The following ST8SIA4 variants were observed in gnomAD, a reference collection of about 807,000 sequenced individuals.
ST8SIA4 encodes CMP-N-acetylneuraminate-poly-alpha-2,8-sialyltransferase.
In ST8SIA4, 15 loss-of-function variants were observed where a neutral mutation model predicts 33.9. The observed-to-expected ratio is 0.44, with a 90% CI of 0.30 to 0.68. ST8SIA4 has a LOEUF of 0.68. ST8SIA4 is among the 30% of genes least tolerant of loss of function. ST8SIA4 has a pLI of 0.10. For missense variants in ST8SIA4, 321 were observed against 428.0 expected, an observed-to-expected ratio of 0.75 and a Z score of 2.21; for synonymous variants, 171 against 151.2, an observed-to-expected ratio of 1.13 and a Z score of -0.96.
intron 2 of ST8SIA4, among the ~76,000 whole-genome samples, chr5:100,893,842 T>C (rs369556511): frequency 6.6e-6 from 1 of 152,196 alleles, no homozygotes; most frequent in African/African-American, 2.4e-5. Flanking sequence ...ATAGCCTTAA[T>C]TGGCTCCTTT....
At chr5:100,879,145 G>T (rs949647973) in intron 3 of ST8SIA4, among the ~76,000 whole-genome samples, 2 of 152,080 alleles carry the variant, frequency 1.3e-5, no homozygotes, top group South Asian at 4.1e-4. Context: ...TATACTTCTT[G>T]GTAAGTCCAG....
intron 3 of ST8SIA4, among the ~76,000 whole-genome samples, chr5:100,873,343 G>T (rs1752236562): frequency 1.3e-5 from 2 of 151,992 alleles, no homozygotes; most frequent in African/African-American, 2.4e-5. Context: ...TGGAGGAAAG[G>T]TAAGTAGAAA....
At chr5:100,833,408 T>C (rs1253928459) in intron 4 of ST8SIA4, among the ~76,000 whole-genome samples, 1 of 152,114 alleles carries the variant, frequency 6.6e-6, no homozygotes, top group Admixed American at 6.6e-5. Flanking sequence ...CCTAGCATAA[T>C]AAATTAAATC....
At chr5:100,876,940 A>G (rs1561403029) in intron 3 of ST8SIA4, among the ~76,000 whole-genome samples, 2 of 152,160 alleles carry the variant, frequency 1.3e-5, no homozygotes, top group East Asian at 1.9e-4. Flanking sequence ...CATTAAAAGC[A>G]TTATTTAACG....
intron 3 of ST8SIA4, chr5:100,885,728 TCAAA>T (rs1752522523): frequency 1.1e-6 from 1 of 942,306 alleles, no homozygotes; most frequent in South Asian, 4.9e-5. Context: ...AATAGGTTAA[TCAAA>T]CACACAATTC....
rs1223725846 is a variant in ST8SIA4, at chr5:100,810,708, A to T, written c.*1139T>A. The T allele has an allele frequency of 2.0e-5, 3 of 152,562 alleles. No homozygotes were observed. The highest frequency in any genetic ancestry group is 4.4e-5 in the Non-Finnish European group (3 of 68,018). The allele number at this position is 152,562 out of a possible 1,614,324, so 9.5% of individuals were successfully genotyped here. A position where few individuals can be genotyped will look rare whatever the true frequency, so the allele number is the denominator to read the frequency against. ...AAATGGTTTGCTGTGTAGAAACACA[A>T]GTGTAATCTTTGGTACCAAAGATTT... is the stretch of plus-strand genomic sequence containing the variant. On this transcript the variant is annotated 3_prime_UTR_variant, in exon 5 of 5. Transcript: ENST00000231461.
At chr5:100,850,477 T>G (rs1345806187) in intron 4 of ST8SIA4, among the ~76,000 whole-genome samples, 1 of 151,860 alleles carries the variant, frequency 6.6e-6, no homozygotes, top group Non-Finnish European at 1.5e-5. Context: ...CCATAAAAAT[T>G]TATACGATAA....
At chr5:100,874,911 A>G (rs1410052209) in intron 3 of ST8SIA4, among the ~76,000 whole-genome samples, 2 of 152,066 alleles carry the variant, frequency 1.3e-5, no homozygotes, top group African/African-American at 2.4e-5. Context: ...TTTATCATCT[A>G]TCTATCTCTA....
intron 4 of ST8SIA4, among the ~76,000 whole-genome samples, chr5:100,817,376 C>G (rs771133272): frequency 2.9e-4 from 44 of 152,010 alleles, no homozygotes; most frequent in Admixed American, 8.5e-4. Flanking sequence ...CTTATTTTTC[C>G]CATCAAAAAT....
intron 2 of ST8SIA4, chr5:100,890,582 T>C (rs919352884): frequency 2.0e-5 from 3 of 151,832 alleles, no homozygotes; most frequent in African/African-American, 7.2e-5. Flanking sequence ...CCAGTACAAG[T>C]TTTCCTAGTA....
intron 4 of ST8SIA4, among the ~76,000 whole-genome samples, chr5:100,838,761 A>G (rs1346766792): frequency 6.6e-6 from 1 of 152,050 alleles, no homozygotes; most frequent in African/African-American, 2.4e-5. Flanking sequence ...TCAACACTGT[A>G]GATGCTTAGA....
intron 3 of ST8SIA4, among the ~76,000 whole-genome samples, chr5:100,859,619 C>T: frequency 6.6e-6 from 1 of 152,096 alleles, no homozygotes; most frequent in East Asian, 1.9e-4. Flanking sequence ...TTCTAAGCCT[C>T]TGAATTTTCT....
rs542713220 is a variant in ST8SIA4, at chr5:100,829,832, C to T, written c.798-17703G>A. ...CTGAGGCAGGAGAATGGCGTGAACC[C>T]GGGAGGCGGAGCTTGCAGTGAGCCG... On this transcript the variant is annotated intron_variant, in intron 4 of 4. Coordinates refer to ENST00000231461, the MANE Select transcript of ST8SIA4 (RefSeq NM_005668.6). Among the ~76,000 whole-genome samples, 312 of 150,102 alleles carry T rather than the reference C, an allele frequency of 2.1e-3. 3 individuals carry two copies. The highest frequency in any genetic ancestry group is 7.3e-3 in the African/African-American group (299 of 40,784).
rs1750782137 is a variant in ST8SIA4 at position 100,809,964 on chromosome 5, C to CACAA, written c.*1882_*1883insTTGT. The CACAA allele has an allele frequency of 6.6e-6, 1 of 151,864 alleles. No homozygotes were observed. Among genetic ancestry groups the CACAA allele is most frequent in the Non-Finnish European group, 1.5e-5 (1 of 67,960 alleles). 9.4% of individuals were successfully genotyped at this position (151,864 alleles called of 1,614,324 possible). ...GAATATCCTTTTCCATGGTAACACA[C>CACAA]ACACACACACACGTACTTCATGCTT... On this transcript the variant is annotated 3_prime_UTR_variant, in exon 5 of 5. Transcript: ENST00000231461.
intron 2 of ST8SIA4, among the ~76,000 whole-genome samples, chr5:100,890,235 T>A (rs1752630532): frequency 1.3e-5 from 2 of 151,860 alleles, no homozygotes; most frequent in African/African-American, 4.8e-5. Flanking sequence ...GTTTTTAGAT[T>A]GTAGATGTAA....
At chr5:100,830,223 A>G (rs564913156) in intron 4 of ST8SIA4, among the ~76,000 whole-genome samples, 15 of 152,236 alleles carry the variant, frequency 9.9e-5, no homozygotes, top group South Asian at 6.2e-4. Flanking sequence ...TGCAATAATT[A>G]TGGGTGTAGA....
chr5:100,901,137 C>T (rs1752900847), intron 1 of ST8SIA4, among the ~76,000 whole-genome samples: 1 of 152,216 alleles, frequency 6.6e-6, no homozygotes, highest in Non-Finnish European at 1.5e-5. Context: ...CGGAGTGTCC[C>T]GGCTCCGCTT....
At chr5:100,857,426 A>G (rs1188459771) in intron 3 of ST8SIA4, among the ~76,000 whole-genome samples, 1 of 151,890 alleles carries the variant, frequency 6.6e-6, no homozygotes, top group Non-Finnish European at 1.5e-5. Flanking sequence ...TTAAAAAGGT[A>G]GGTTTTAGTT....
intron 3 of ST8SIA4, among the ~76,000 whole-genome samples, chr5:100,878,979 C>T (rs1327128610): frequency 1.3e-5 from 2 of 152,026 alleles, no homozygotes; most frequent in Non-Finnish European, 2.9e-5. Context: ...AATCTATAAT[C>T]CCGTACCGCA....
Sources: gnomAD v4.1 joint callset for allele counts (sites outside exome capture counted in the v4.1 genomes callset) on GRCh38, gnomAD v4.1.1 for gene constraint, MANE v1.5 for transcripts, NCBI Gene and HGNC (gene_info 2026-07-23, HGNC 2026-07-21) for gene names.